The following SPAST variants were observed in gnomAD, a reference collection of about 807,000 sequenced individuals.
SPAST encodes the protein spastin, also known as spastic paraplegia 4 (autosomal dominant; spastin).
SPAST carries 30 observed loss-of-function variants against 76.6 expected under a neutral mutation model. The ratio of observed to expected loss-of-function variants is 0.39; its 90% CI spans 0.29 to 0.53. SPAST has a LOEUF of 0.53. Among genes scored for constraint, SPAST ranks in the 20% least tolerant of loss-of-function variants. The pLI is 0.68. For missense variants in SPAST, 717 were observed against 770.5 expected, an observed-to-expected ratio of 0.93 and a Z score of 0.82; for synonymous variants, 305 against 281.0, an observed-to-expected ratio of 1.09 and a Z score of -0.86.
intron 5 of SPAST, among the ~76,000 whole-genome samples, chr2:32,115,103 C>T (rs1464459950): frequency 6.6e-6 from 1 of 151,964 alleles, no homozygotes; most frequent in Non-Finnish European, 1.5e-5. Context: ...CATGCACCAC[C>T]ACGTCGAGCT....
chr2:32,092,492 A>T (rs555405874), intron 3 of SPAST, among the ~76,000 whole-genome samples: 1 of 152,202 alleles, frequency 6.6e-6, no homozygotes, highest in Non-Finnish European at 1.5e-5. Flanking sequence ...AGGACATTAG[A>T]AGTATTAATA....
At chr2:32,101,442 G>C (rs1163962081) in intron 4 of SPAST, among the ~76,000 whole-genome samples, 1 of 151,412 alleles carries the variant, frequency 6.6e-6, no homozygotes, top group African/African-American at 2.4e-5. Context: ...AGTTTCTTTT[G>C]CTGTGCAGAA....
chr2:32,064,313 G>A (rs1676422240), intron 1 of SPAST, 67 bp downstream of exon 1: 2 of 1,249,484 alleles, frequency 1.6e-6, no homozygotes, highest in East Asian at 5.1e-5. Flanking sequence ...CCGGGGGAGG[G>A]CAACACCTGC....
intron 1 of SPAST, among the ~76,000 whole-genome samples, chr2:32,083,043 C>G (rs1408906763): frequency 2.0e-5 from 3 of 151,986 alleles, no homozygotes; most frequent in Admixed American, 2.0e-4. Flanking sequence ...GCAATCACAG[C>G]TCACTGCAAC....
chr2:32,064,908 GATGA>G (rs1676448070), intron 1 of SPAST, among the ~76,000 whole-genome samples: 2 of 152,108 alleles, frequency 1.3e-5, no homozygotes. Flanking sequence ...TGAAATGTTT[GATGA>G]ATGGATTGCG....
chr2:32,148,825 A>AAG (rs10673503), intron 16 of SPAST, among the ~76,000 whole-genome samples: 2 of 148,726 alleles, frequency 1.3e-5, no homozygotes, highest in South Asian at 4.3e-4. Context: ...AAAAAAAAAA[A>AAG]TAGCTGGGCA....
At chr2:32,121,332 T>A (rs1263984235) in intron 7 of SPAST, among the ~76,000 whole-genome samples, 2 of 151,776 alleles carry the variant, frequency 1.3e-5, no homozygotes, top group African/African-American at 4.8e-5. Flanking sequence ...TTTGTATTTT[T>A]AGTAGAGACG....
intron 1 of SPAST, among the ~76,000 whole-genome samples, chr2:32,084,925 G>A (rs1463469625): frequency 6.7e-6 from 1 of 149,642 alleles, no homozygotes; most frequent in East Asian, 1.9e-4. Flanking sequence ...AGGAGCATGG[G>A]AATGGGAAGA....
At chr2:32,097,875 G>C (rs1042676156) in intron 3 of SPAST, among the ~76,000 whole-genome samples, 2 of 151,410 alleles carry the variant, frequency 1.3e-5, no homozygotes, top group African/African-American at 4.8e-5. Flanking sequence ...TTGTTTGTTT[G>C]TTTTAGTAGA....
At chr2:32,132,392 C>CA (rs1421577423) in intron 9 of SPAST, among the ~76,000 whole-genome samples, 1 of 151,534 alleles carries the variant, frequency 6.6e-6, no homozygotes, top group Non-Finnish European at 1.5e-5. Context: ...GATCCCATCT[C>CA]AAAAAAAGAA....
rs372349942 is a variant in SPAST, at chr2:32,063,886, C to T, written c.55C>T (p.Pro19Ser). 1.3e-6 allele frequency: 2 copies of T among 1,583,178 alleles called. No individual in the cohort carries two copies. The highest frequency in any genetic ancestry group is 1.3e-5 in the African/African-American group (1 of 74,380). Residue 19 changes from proline (P) to serine (S), a missense_variant, in exon 1 of 17, where the codon CCG (proline) becomes TCG (serine). Physicochemically the swap from Pro to Ser is moderately conservative, Grantham distance 74. Transcript: ENST00000315285. ...KKKGSGGASN[P>S]VPPRPPPPCL... ...GAAAGGCTCCGGCGGCGCCAGCAACCCGGTGCCTCCCAGGCCTCCGCCCCC... is the reference window on the plus strand; with the variant it reads ...GAAAGGCTCCGGCGGCGCCAGCAACTCGGTGCCTCCCAGGCCTCCGCCCCC...
In SPAST at chr2:32,113,210, C is replaced by T. The variant is rs567691272; in HGVS notation, c.683-1428C>T. On this transcript the variant is annotated intron_variant, in intron 4 of 16. Transcript: ENST00000315285. ...TGGTGTGATCAGGGCTCACTGCAAT[C>T]GGGTAGCTGGAACTACAGGGATGTG... Among the ~76,000 whole-genome samples, 17 of 151,748 alleles carry T rather than the reference C, an allele frequency of 1.1e-4. No homozygotes were observed. In the South Asian group the frequency reaches 2.7e-3, roughly 24 times the overall value.
chr2:32,128,398 A>AT lies in SPAST; in HGVS notation c.1174-5dup. 1.3e-6 allele frequency: 2 copies of AT among 1,595,286 alleles called. No individual in the cohort carries two copies. Among genetic ancestry groups the AT allele is most frequent in the East Asian group, 2.2e-5 (1 of 44,752 alleles). On this transcript the variant is annotated splice_polypyrimidine_tract_variant and intron_variant, in intron 8 of 16. Coordinates refer to ENST00000315285, the MANE Select transcript of SPAST (RefSeq NM_014946.4). ...AACTAATTTAATATTTGCTCTTGTG[A>AT]TTTTTAAAGGCTAAAGCAGTAGCTG...
chr2:32,105,865 G>A (rs1468003601), intron 4 of SPAST, among the ~76,000 whole-genome samples: 1 of 152,168 alleles, frequency 6.6e-6, no homozygotes, highest in Admixed American at 6.5e-5. Context: ...GCGTCAGTCA[G>A]CCCGTATGGG....
chr2:32,108,758 CTTTTTTTTTT>C (rs71407413), intron 4 of SPAST, among the ~76,000 whole-genome samples: 3 of 73,888 alleles, frequency 4.1e-5, no homozygotes, highest in Non-Finnish European at 7.2e-5. Context: ...GCTGGTATAG[CTTTTTTTTTT>C]TTTTTTTTTT....
At position 32,076,687 on chromosome 2, in the gene SPAST, AT is replaced by A. The variant is rs1018315941; in HGVS notation, c.416-10794del. ...ACACACCATGAAAGTCTACCAGGAGATTTTTTTTTTTCTTTGAGAACAGGGG... is the reference window on the plus strand; with the variant it reads ...ACACACCATGAAAGTCTACCAGGAGATTTTTTTTTTCTTTGAGAACAGGGG... On this transcript the variant is annotated intron_variant, in intron 1 of 16. Transcript: ENST00000315285. 6.7e-3 allele frequency among the ~76,000 whole-genome samples: 989 copies of A among 147,792 alleles called. 14 individuals carry two copies. The highest frequency in any genetic ancestry group is 0.023 in the African/African-American group (941 of 40,434).
At chr2:32,074,855 C>T (rs1282125577) in intron 1 of SPAST, among the ~76,000 whole-genome samples, 4 of 152,048 alleles carry the variant, frequency 2.6e-5, no homozygotes, top group African/African-American at 4.8e-5. Context: ...AACTGTGGGG[C>T]TTCTTATGGA....
At chr2:32,100,158 C>T (rs985785707) in intron 4 of SPAST, among the ~76,000 whole-genome samples, 1 of 152,124 alleles carries the variant, frequency 6.6e-6, no homozygotes, top group South Asian at 2.1e-4. Context: ...TTCTACACAT[C>T]CTCACCAGCA....
At chr2:32,151,234 T>C (rs11678119) in intron 16 of SPAST, among the ~76,000 whole-genome samples, 57,893 of 152,026 alleles carry the variant, frequency 0.38, 11,443 homozygotes, top group East Asian at 0.64. Context: ...TGAGCCACCA[T>C]GCCTGGCTCT....
Sources: allele counts gnomAD v4.1 joint callset (sites outside exome capture counted in the v4.1 genomes callset), GRCh38; gene constraint gnomAD v4.1.1; transcripts MANE v1.5; gene names NCBI Gene and HGNC (gene_info 2026-07-23, HGNC 2026-07-21).